Variants in CTCFL observed in about 807,000 individuals in gnomAD.
CTCFL encodes the protein CCCTC-binding factor like, also known as transcriptional repressor CTCFL.
Under a neutral mutation model 67.4 loss-of-function variants are expected in CTCFL, and 36 were observed. The observed-to-expected ratio is 0.53, with a 90% CI of 0.41 to 0.71. The LOEUF (loss-of-function observed/expected upper bound fraction) is 0.71. Ranked by LOEUF, CTCFL falls within the 30% of genes least tolerant of loss-of-function variation. The pLI, the probability that CTCFL is intolerant of heterozygous loss-of-function variation, is 0.00. For synonymous variants in CTCFL, 324 were observed against 302.3 expected, an observed-to-expected ratio of 1.07 and a Z score of -0.75; for missense variants, 786 against 835.2, an observed-to-expected ratio of 0.94 and a Z score of 0.73.
rs2067748390 is a variant in CTCFL at position 57,497,884 on chromosome 20, A to G, written c.*666T>C. 5 of 971,152 alleles carry G rather than the reference A, an allele frequency of 5.1e-6. No individual in the cohort carries two copies. The South Asian group carries it at 2.4e-4, about 46-fold the overall frequency. The allele number at this position is 971,152 out of a possible 1,614,324, so 60.2% of individuals were successfully genotyped here. On this transcript the variant is annotated 3_prime_UTR_variant, in exon 11 of 11. Coordinates refer to ENST00000243914, the MANE Select transcript of CTCFL (RefSeq NM_001386993.1). ...TAAAGGTGAACCTTGCTCCTATACC[A>G]AAGTAAAATCGATTTATTCCTTATT... is the stretch of plus-strand genomic sequence containing the variant.
Position 57,523,690 on chromosome 20 carries a change from G to A in CTCFL, c.516C>T (p.Ser172=), listed in dbSNP as rs11907063. The A allele has an allele frequency of 4.7e-3, 7,557 of 1,613,484 alleles. 188 individuals carry two copies. In the African/African-American group the frequency reaches 0.058, roughly 12 times the overall value. ...VASEDSKLAV[S]LAETTGLIKL... The stretch of plus-strand genomic sequence containing the variant: ...TGATCAGTCCAGTAGTTTCAGCCAG[G>A]CTCACCGCTAACTTACTGTCTTCAC... Residue 172 remains serine, a synonymous_variant, in exon 2 of 11, where the codon AGC becomes AGT. Coordinates refer to ENST00000243914, the MANE Select transcript of CTCFL (RefSeq NM_001386993.1).
chr20:57,522,386 A>C (rs1347798323), intron 3 of CTCFL, among the ~76,000 whole-genome samples: 1 of 152,252 alleles, frequency 6.6e-6, no homozygotes, highest in African/African-American at 2.4e-5. Flanking sequence ...TTTTTAAAAA[A>C]TAAGCCAAAC....
Position 57,497,369 on chromosome 20 carries a change from A to C in CTCFL, c.*1181T>G. ...CTCTTCCTGCTGGGAAATTATTTCC[A>C]CATATTCACATTGTATAGGGATTCT... On this transcript the variant is annotated 3_prime_UTR_variant, in exon 11 of 11. Coordinates refer to ENST00000243914, the MANE Select transcript of CTCFL (RefSeq NM_001386993.1). 1.0e-6 allele frequency: 1 copy of C among 985,266 alleles called. No homozygotes were observed. Among genetic ancestry groups the C allele is most frequent in the Non-Finnish European group, 1.2e-6 (1 of 829,758 alleles). The allele number at this position is 985,266 out of a possible 1,614,324, so 61.0% of individuals were successfully genotyped here.
intron 7 of CTCFL, 32 bp from the exon 8 acceptor site, chr20:57,512,784 A>C (rs747103107): frequency 6.2e-7 from 1 of 1,604,506 alleles, no homozygotes; most frequent in Admixed American, 1.7e-5. Flanking sequence ...ATATACTTCA[A>C]GAGTGTTGTT....
At chr20:57,517,536 C>T (rs939215462) in intron 5 of CTCFL, among the ~76,000 whole-genome samples, 4 of 152,120 alleles carry the variant, frequency 2.6e-5, no homozygotes, top group African/African-American at 4.8e-5. Context: ...CCTTGGCCTC[C>T]CAAAGTGCTG....
At chr20:57,512,898 C>T in intron 7 of CTCFL, 146 bp from the exon 8 acceptor site, 1 of 681,704 alleles carries the variant, frequency 1.5e-6, no homozygotes. Flanking sequence ...CTATCCTGTG[C>T]ATTGTAGGAT....
intron 5 of CTCFL, among the ~76,000 whole-genome samples, chr20:57,518,302 G>C (rs955453935): frequency 1.3e-5 from 2 of 152,302 alleles, no homozygotes; most frequent in African/African-American, 2.4e-5. Context: ...GTTTGAAAAG[G>C]GTGGTCTCTC....
At chr20:57,505,609 G>C (rs1324862912) in intron 9 of CTCFL, among the ~76,000 whole-genome samples, 1 of 152,138 alleles carries the variant, frequency 6.6e-6, no homozygotes, top group Non-Finnish European at 1.5e-5. Flanking sequence ...GACTGATGTT[G>C]AACCAAAAAT....
chr20:57,503,604 G>T lies in CTCFL; in HGVS notation c.1675-3C>A. The stretch of plus-strand genomic sequence containing the variant: ...TCCGAATGTCTGTGCAGGTTAATCT[G>T]TCGGAGAATTGACACAGAACACACA... On this transcript the variant is annotated splice_polypyrimidine_tract_variant and splice_region_variant and intron_variant, in intron 9 of 10. Transcript: ENST00000243914. 6.2e-7 allele frequency: 1 copy of T among 1,614,010 alleles called. No individual in the cohort carries two copies. The highest frequency in any genetic ancestry group is 1.3e-5 in the African/African-American group (1 of 75,014).
At chr20:57,496,360 C>T (rs62204255), downstream of CTCFL, 44 of 623,544 alleles carry the variant, frequency 7.1e-5, no homozygotes, top group East Asian at 4.0e-4. Context: ...GTACAGCCTG[C>T]GGAACTATGA....
chr20:57,519,323 G>C lies in CTCFL; in HGVS notation c.809C>G (p.Ser270Ter). The C allele has an allele frequency of 6.2e-7, 1 of 1,614,130 alleles. No individual in the cohort carries two copies. The highest frequency in any genetic ancestry group is 8.5e-7 in the Non-Finnish European group (1 of 1,179,986). Residue 270 changes from serine (S) to a stop codon, truncating the protein, a stop_gained, in exon 4 of 11, where the codon TCA becomes TGA. Coordinates refer to ENST00000243914, the MANE Select transcript of CTCFL (RefSeq NM_001386993.1). LOFTEE classifies it high-confidence loss of function. ...AGTTTTCATATGACGATTAAAACTTGACATTCTAGAAGAGGTGAACATGCA... is the reference window on the plus strand; with the variant it reads ...AGTTTTCATATGACGATTAAAACTTCACATTCTAGAAGAGGTGAACATGCA... ...DVCMFTSSRM[S>*]SFNRHMKTHT... is the part of the protein sequence containing the mutation.
intron 10 of CTCFL, among the ~76,000 whole-genome samples, chr20:57,499,226 T>C (rs1441974666): frequency 6.6e-6 from 1 of 152,210 alleles, no homozygotes. Context: ...ACCCATGTAA[T>C]GATGCTGCCT....
In CTCFL at chr20:57,523,987, C is replaced by T. The variant is rs2069628103; in HGVS notation, c.219G>A (p.Glu73=). 3 of 1,613,258 alleles carry T rather than the reference C, an allele frequency of 1.9e-6. No homozygotes were observed. The East Asian group carries it at 6.7e-5, about 36-fold the overall frequency. Residue 73 remains glutamate, a synonymous_variant, in exon 2 of 11, where the codon GAG becomes GAA. Transcript: ENST00000243914. ...GGGTCAGGATGTACTTCTCGCTCTC[C>T]TCCGAGGGGGCCAGCACCAGCTCCA... ...EEVELVLAPS[E]ESEKYILTLQ...
chr20:57,505,000 T>A (rs1347746776), intron 9 of CTCFL, among the ~76,000 whole-genome samples: 1 of 151,900 alleles, frequency 6.6e-6, no homozygotes, highest in Non-Finnish European at 1.5e-5. Context: ...ATATCTGGTC[T>A]TACTGCACCA....
At chr20:57,524,423 G>A (rs6099668) in intron 1 of CTCFL, 95,181 of 1,402,122 alleles carry the variant, frequency 0.068, 4,881 homozygotes, top group African/African-American at 0.26. Flanking sequence ...GGCTAAAGCA[G>A]GATTTTGTAC....
Position 57,503,449 on chromosome 20 carries a change from G to A in CTCFL, c.1827C>T (p.Ala609=), listed in dbSNP as rs146134532. The change falls in exon 10 of 11, where the codon GCC becomes GCT. Residue 609 remains alanine, a synonymous_variant. Coordinates refer to ENST00000243914, the MANE Select transcript of CTCFL (RefSeq NM_001386993.1). ...TAAAATCAGTACCGTCTCCGTTCGC[G>A]GCTTCCTTCCATCCCTTCGCAGCTT... is the stretch of plus-strand genomic sequence containing the variant. ...QKEAAKGWKE[A]ANGDEAAAEE... The A allele has an allele frequency of 1.1e-5, 17 of 1,614,144 alleles. No individual in the cohort carries two copies. The highest frequency in any genetic ancestry group is 9.3e-5 in the African/African-American group (7 of 75,042).
intron 6 of CTCFL, chr20:57,515,098 T>TA (rs1288331908): frequency 4.4e-6 from 1 of 226,734 alleles, no homozygotes; most frequent in Non-Finnish European, 8.6e-6. Context: ...TGTTTTGCCT[T>TA]AAAGTTGAAG....
At chr20:57,522,904 G>A (rs1479944806) in intron 3 of CTCFL, among the ~76,000 whole-genome samples, 164 bp downstream of exon 3, 1 of 152,102 alleles carries the variant, frequency 6.6e-6, no homozygotes, top group Admixed American at 6.5e-5. Flanking sequence ...AAACCCTTCT[G>A]GATTTGATTC....
chr20:57,524,850 G>A (rs2069744693), intron 1 of CTCFL, 178 bp downstream of exon 1: 2 of 759,466 alleles, frequency 2.6e-6, no homozygotes, highest in Non-Finnish European at 3.2e-6. Flanking sequence ...AGGCCTGGCA[G>A]GGCCCCTGCT....
Sources: allele counts gnomAD v4.1 joint callset (sites outside exome capture counted in the v4.1 genomes callset), GRCh38; gene constraint gnomAD v4.1.1; transcripts MANE v1.5; gene names NCBI Gene and HGNC (gene_info 2026-07-23, HGNC 2026-07-21).